The following CCDC81 variants were observed in gnomAD, a reference collection of about 807,000 sequenced individuals.
CCDC81 encodes the protein coiled-coil domain-containing protein 81.
CCDC81 carries 79 observed loss-of-function variants against 83.7 expected under a neutral mutation model. The ratio of observed to expected loss-of-function variants is 0.94; its 90% CI spans 0.79 to 1.14. The LOEUF (loss-of-function observed/expected upper bound fraction) is 1.14, where lower values mean the gene tolerates loss of function less well. CCDC81 is among the 50% of genes most tolerant of loss of function. The probability of loss-of-function intolerance (pLI) is 0.00; values close to 1 mark genes in which losing one functional copy is unlikely to be tolerated. For synonymous variants in CCDC81, 252 were observed against 278.1 expected, an observed-to-expected ratio of 0.91 and a Z score of 0.93; for missense variants, 791 against 778.1, an observed-to-expected ratio of 1.02 and a Z score of -0.20.
At chr11:86,411,131 C>T (rs1948636438) in intron 10 of CCDC81, among the ~76,000 whole-genome samples, 2 of 152,152 alleles carry the variant, frequency 1.3e-5, no homozygotes, top group South Asian at 4.1e-4. Context: ...AATTTAGACT[C>T]CTCACCTTCA....
intron 6 of CCDC81, among the ~76,000 whole-genome samples, chr11:86,399,810 A>G (rs1409829058): frequency 6.6e-6 from 1 of 151,966 alleles, no homozygotes; most frequent in Non-Finnish European, 1.5e-5. Flanking sequence ...TCTCCTCTGA[A>G]CATATCAGAT....
chr11:86,400,122 C>T (rs1295980365), intron 6 of CCDC81, among the ~76,000 whole-genome samples: 6 of 130,810 alleles, frequency 4.6e-5, no homozygotes, highest in Non-Finnish European at 8.0e-5. Flanking sequence ...CAGAGTCAGA[C>T]TCCATCTCAA....
intron 13 of CCDC81, among the ~76,000 whole-genome samples, chr11:86,416,748 T>A (rs896952336): frequency 6.6e-6 from 1 of 152,204 alleles, no homozygotes; most frequent in Non-Finnish European, 1.5e-5. Flanking sequence ...ACTTCCCTTA[T>A]CTTTTCCAAC....
chr11:86,375,511 TA>T (rs1948087366), intron 1 of CCDC81, among the ~76,000 whole-genome samples: 1 of 152,042 alleles, frequency 6.6e-6, no homozygotes, highest in Non-Finnish European at 1.5e-5. Context: ...CAATAAAGGT[TA>T]GGTAAAAACA....
At chr11:86,389,963 G>A (rs1948301325) in intron 3 of CCDC81, among the ~76,000 whole-genome samples, 1 of 152,028 alleles carries the variant, frequency 6.6e-6, no homozygotes, top group Non-Finnish European at 1.5e-5. Context: ...AAACTAGCTG[G>A]GCGTGGTGGT....
intron 10 of CCDC81, among the ~76,000 whole-genome samples, chr11:86,409,919 G>A (rs760095900): frequency 2.0e-5 from 3 of 152,164 alleles, no homozygotes; most frequent in Admixed American, 6.5e-5. Flanking sequence ...CAACCAGGAC[G>A]TGGGATGGGT....
At chr11:86,413,850 C>A (rs906316553) in intron 11 of CCDC81, among the ~76,000 whole-genome samples, 1 of 152,158 alleles carries the variant, frequency 6.6e-6, no homozygotes, top group African/African-American at 2.4e-5. Context: ...TGTAGAGCGG[C>A]TTTCCCTCTG....
At chr11:86,389,874 G>A (rs1171003583) in intron 3 of CCDC81, among the ~76,000 whole-genome samples, 4 of 152,204 alleles carry the variant, frequency 2.6e-5, no homozygotes, top group African/African-American at 9.6e-5. Context: ...CGGAGGCTGA[G>A]GCAGGCGGAT....
Position 86,386,055 on chromosome 11 carries a change from C to T in CCDC81, c.84C>T (p.Val28=). ...CTGGTTACTTTTGAATTTCAGAAGTCTCTATTATCTGGGGGAATGTATCAG... is the reference window on the plus strand; with the variant it reads ...CTGGTTACTTTTGAATTTCAGAAGTTTCTATTATCTGGGGGAATGTATCAG... ...PTLPSLSQEE[V]SIIWGNVSEF... Residue 28 remains valine (V), a synonymous_variant, in exon 2 of 15, where the codon GTC becomes GTT. Transcript: ENST00000445632. The T allele has an allele frequency of 1.3e-6, 2 of 1,521,300 alleles. No individual in the cohort carries two copies. The highest frequency in any genetic ancestry group is 2.4e-5 in the South Asian group (2 of 82,304). The allele number at this position is 1,521,300 out of a possible 1,614,324, so 94.2% of individuals were successfully genotyped here.
chr11:86,421,659 G>A (rs1293346371), intron 14 of CCDC81, among the ~76,000 whole-genome samples: 2 of 152,216 alleles, frequency 1.3e-5, no homozygotes, highest in Non-Finnish European at 2.9e-5. Context: ...GCTCATGCCT[G>A]TAATCACAGC....
Position 86,374,910 on chromosome 11 carries a change from T to C in CCDC81, c.-254T>C. 1 of 459,776 alleles carries C rather than the reference T, an allele frequency of 2.2e-6. No homozygotes were observed. Among genetic ancestry groups the C allele is most frequent in the East Asian group, 4.4e-5 (1 of 22,612 alleles). 28.5% of individuals were successfully genotyped at this position (459,776 alleles called of 1,614,324 possible). ...TCACTCGGTGCCGGACATCAGTTCC[T>C]GCGGCTCTTGCTGTGGGAGCTGCCC... is the stretch of plus-strand genomic sequence containing the variant. On this transcript the variant is annotated 5_prime_UTR_variant, in exon 1 of 15. Coordinates refer to ENST00000445632, the MANE Select transcript of CCDC81 (RefSeq NM_001156474.2).
chr11:86,389,437 G>A (rs190893500), intron 3 of CCDC81, among the ~76,000 whole-genome samples: 92 of 152,238 alleles, frequency 6.0e-4, no homozygotes, highest in African/African-American at 2.2e-3. Context: ...AGGCTTAATT[G>A]ACTCATAGTT....
Position 86,395,353 on chromosome 11 carries a change from C to A in CCDC81, c.575C>A (p.Ser192Ter). The change falls in exon 5 of 15, where the codon TCG (serine) becomes TAG (stop). Residue 192 changes from serine (S) to a stop codon, truncating the protein, a stop_gained. Transcript: ENST00000445632. LOFTEE classifies it high-confidence loss of function. The part of the protein sequence containing the change: ...ALANRPGTVD[S>*]VLSSREALRK... ...CTCTAGAGGCCTGGCACTGTGGACT[C>A]GGTGTTGTCTAGCAGAGAGGCCTTG... is the stretch of plus-strand genomic sequence containing the variant. 3.7e-6 allele frequency: 6 copies of A among 1,613,940 alleles called. No homozygotes were observed. Among genetic ancestry groups the A allele is most frequent in the Non-Finnish European group, 5.1e-6 (6 of 1,179,904 alleles).
At chr11:86,418,426 T>C (rs1948749012) in intron 13 of CCDC81, among the ~76,000 whole-genome samples, 1 of 152,188 alleles carries the variant, frequency 6.6e-6, no homozygotes, top group South Asian at 2.1e-4. Context: ...CAGCACTTTT[T>C]GTAACAGCCA....
At chr11:86,377,266 G>T (rs1185748334) in intron 1 of CCDC81, among the ~76,000 whole-genome samples, 6 of 151,960 alleles carry the variant, frequency 3.9e-5, no homozygotes, top group Non-Finnish European at 7.4e-5. Flanking sequence ...ATATCTGTGT[G>T]CAGGTTTTAA....
chr11:86,409,429 C>G, intron 10 of CCDC81, 64 bp downstream of exon 10: 1 of 739,926 alleles, frequency 1.4e-6, no homozygotes, highest in Non-Finnish European at 2.2e-6. Context: ...GGATCCACTC[C>G]CTGTGTTGCA....
In CCDC81 at chr11:86,407,718, C is replaced by T. The variant is rs749451407; in HGVS notation, c.969+17C>T. On this transcript the variant is annotated intron_variant, in intron 8 of 14. Coordinates refer to ENST00000445632, the MANE Select transcript of CCDC81 (RefSeq NM_001156474.2). ...GCAGGACAGGTACAGTGTTTCCAAA[C>T]AAATAAGTCCCATCAGAATCTTATA... 1.9e-6 allele frequency: 3 copies of T among 1,572,590 alleles called. No individual in the cohort carries two copies. The highest frequency in any genetic ancestry group is 1.7e-5 in the Admixed American group (1 of 59,620).
At chr11:86,398,324 G>A (rs1349428182) in intron 6 of CCDC81, among the ~76,000 whole-genome samples, 3 of 152,090 alleles carry the variant, frequency 2.0e-5, no homozygotes, top group South Asian at 2.1e-4. Context: ...GGCAGGTAAC[G>A]CAAATGCAGG....
At chr11:86,411,809 C>A (rs1024401293) in intron 10 of CCDC81, among the ~76,000 whole-genome samples, 2 of 152,046 alleles carry the variant, frequency 1.3e-5, no homozygotes, top group Non-Finnish European at 2.9e-5. Context: ...AGAAATTGAC[C>A]CTTTTGGTCT....
Sources: gnomAD v4.1 joint callset for allele counts (sites outside exome capture counted in the v4.1 genomes callset) on GRCh38, gnomAD v4.1.1 for gene constraint, MANE v1.5 for transcripts, NCBI Gene and HGNC (gene_info 2026-07-23, HGNC 2026-07-21) for gene names.